HMCN1: variants seen among roughly 807,000 people sequenced by gnomAD.
The protein encoded by HMCN1 is hemicentin-1.
HMCN1 carries 321 observed loss-of-function variants against 625.9 expected under a neutral mutation model. The ratio of observed to expected loss-of-function variants is 0.51; its 90% CI spans 0.47 to 0.56. HMCN1 has a LOEUF of 0.56. HMCN1 is among the 20% of genes least tolerant of loss of function. HMCN1 has a pLI of 0.00. For synonymous variants in HMCN1, 2,425 were observed against 2,417.6 expected (o/e 1.00, Z -0.09); for missense variants, 6,588 against 6,887.3 (o/e 0.96, Z 1.54).
intron 89 of HMCN1, among the ~76,000 whole-genome samples, chr1:186,138,454 G>A (rs925583624): frequency 6.6e-6 from 1 of 152,086 alleles, no homozygotes; most frequent in Admixed American, 6.6e-5. Context: ...TATTGATTTT[G>A]TGTTTTAGCA....
intron 46 of HMCN1, among the ~76,000 whole-genome samples, chr1:186,061,200 GGA>G (rs1657671161): frequency 6.6e-6 from 1 of 152,062 alleles, no homozygotes; most frequent in East Asian, 1.9e-4. Flanking sequence ...AATTTATAAA[GGA>G]GAGAGGTTTA....
Position 185,911,777 on chromosome 1 carries a change from G to A in HMCN1, c.897G>A (p.Val299=), listed in dbSNP as rs1571547128. ...AGCCAGAGGCTGGAATGTGGACAGT[G>A]AAGGTACGGTTGTTTCACAAAGTTT... The part of the protein sequence containing the change: ...VKEPEAGMWT[V]KTSSSGRHSV... Residue 299 remains valine, a synonymous_variant, in exon 6 of 107, where the codon GTG becomes GTA. Transcript: ENST00000271588. 6.2e-7 allele frequency: 1 copy of A among 1,604,782 alleles called. No homozygotes were observed. Among genetic ancestry groups the A allele is most frequent in the Non-Finnish European group, 8.5e-7 (1 of 1,171,708 alleles).
At chr1:186,055,356 C>T (rs758356680) in intron 44 of HMCN1, 37 bp from the exon 45 acceptor site, 2 of 1,598,298 alleles carry the variant, frequency 1.3e-6, no homozygotes, top group African/African-American at 2.7e-5. Flanking sequence ...GCAAACATTT[C>T]CTCTTTTGTT....
chr1:186,096,769 C>T (rs137939400), intron 68 of HMCN1, among the ~76,000 whole-genome samples: 11 of 152,118 alleles, frequency 7.2e-5, no homozygotes, highest in East Asian at 1.9e-4. Flanking sequence ...TGATACATCA[C>T]GTTAACAGAT....
chr1:185,773,835 C>T (rs6696804), intron 1 of HMCN1, among the ~76,000 whole-genome samples: 13,548 of 152,080 alleles, frequency 0.089, 1,910 homozygotes, highest in African/African-American at 0.3. Flanking sequence ...TAAAAGATTT[C>T]ATAGAGAGGT....
At chr1:185,982,435 T>A in intron 18 of HMCN1, 46 bp downstream of exon 18, 2 of 1,560,696 alleles carry the variant, frequency 1.3e-6, no homozygotes, top group Non-Finnish European at 1.8e-6. Context: ...TTGTGAGTTT[T>A]CTTTTCTTTT....
intron 4 of HMCN1, among the ~76,000 whole-genome samples, chr1:185,900,140 G>A (rs77794978): frequency 0.012 from 1,791 of 151,952 alleles, 37 homozygotes; most frequent in African/African-American, 0.042. Context: ...GTATGCTGAT[G>A]AGTCTGACTT....
At chr1:186,070,851 G>A in intron 52 of HMCN1, 94 bp downstream of exon 52, 1 of 1,259,366 alleles carries the variant, frequency 7.9e-7, no homozygotes, top group Non-Finnish European at 1.2e-6. Flanking sequence ...GTGACTCAGA[G>A]AATCAATGTG....
chr1:186,011,548 G>C (rs965721950), intron 30 of HMCN1, among the ~76,000 whole-genome samples: 1 of 152,184 alleles, frequency 6.6e-6, no homozygotes, highest in Non-Finnish European at 1.5e-5. Context: ...TGAAGGTTAG[G>C]TGGAAAGCCC....
In HMCN1 at chr1:185,923,641, A is replaced by T. The variant is rs766038716; in HGVS notation, c.1273A>T (p.Ser425Cys). 7 of 1,603,270 alleles carry T rather than the reference A, an allele frequency of 4.4e-6. No homozygotes were observed. The highest frequency in any genetic ancestry group is 6.0e-6 in the Non-Finnish European group (7 of 1,176,440). ...GAGAGTATCAAGTGTTTCCTTTTCTAGTATTGTCCCAGGTGAGACATCATT... is the reference window on the plus strand; with the variant it reads ...GAGAGTATCAAGTGTTTCCTTTTCTTGTATTGTCCCAGGTGAGACATCATT... ...FQRVSSVSFSSIVPDAPKVTM... is the reference protein window; with the variant it reads ...FQRVSSVSFSCIVPDAPKVTM... Residue 425 changes from serine to cysteine, a missense_variant, in exon 8 of 107, where the codon AGT becomes TGT. Around this residue, in one of 3 missense-constraint regions of HMCN1, gnomAD observed 4,628 missense variants for 4,853.1 expected, o/e 0.95. Coordinates refer to ENST00000271588, the MANE Select transcript of HMCN1 (RefSeq NM_031935.3).
chr1:186,023,287 G>GT, intron 36 of HMCN1, 134 bp downstream of exon 36: 17 of 715,942 alleles, frequency 2.4e-5, no homozygotes, highest in Admixed American at 1.2e-4. Flanking sequence ...AAAAACCTAG[G>GT]GTTTTTTTTT....
At chr1:186,076,773 A>G in intron 54 of HMCN1, 151 bp downstream of exon 54, 1 of 740,712 alleles carries the variant, frequency 1.4e-6, no homozygotes, top group Non-Finnish European at 2.3e-6. Context: ...ACGTAGCTTC[A>G]ATCTAGAAGA....
intron 15 of HMCN1, among the ~76,000 whole-genome samples, chr1:185,972,234 A>C (rs1313136748): frequency 6.6e-6 from 1 of 152,138 alleles, no homozygotes; most frequent in Non-Finnish European, 1.5e-5. Flanking sequence ...AGGTAATTGC[A>C]CCCTCAGTCC....
intron 17 of HMCN1, 105 bp from the exon 18 acceptor site, chr1:185,982,157 T>G: frequency 1.7e-6 from 2 of 1,153,460 alleles, no homozygotes; most frequent in Non-Finnish European, 2.6e-6. Flanking sequence ...TTCTGAAAAC[T>G]CAAACTTTTA....
intron 2 of HMCN1, among the ~76,000 whole-genome samples, chr1:185,852,811 T>C (rs1174601919): frequency 3.3e-5 from 5 of 152,110 alleles, no homozygotes. Context: ...CAAATATTTA[T>C]GTTGTAAATG....
chr1:185,866,707 A>C (rs892749357), intron 4 of HMCN1, among the ~76,000 whole-genome samples: 1 of 151,890 alleles, frequency 6.6e-6, no homozygotes, highest in African/African-American at 2.4e-5. Flanking sequence ...CGTCTGGACC[A>C]TAATTTCTTC....
chr1:185,809,863 G>C (rs912345662), intron 1 of HMCN1, among the ~76,000 whole-genome samples: 1 of 152,022 alleles, frequency 6.6e-6, no homozygotes, highest in Non-Finnish European at 1.5e-5. Flanking sequence ...CTACCTAGTG[G>C]AAACTCCAAA....
intron 93 of HMCN1, among the ~76,000 whole-genome samples, chr1:186,149,293 C>T (rs945706405): frequency 2.6e-5 from 4 of 152,186 alleles, no homozygotes; most frequent in Non-Finnish European, 4.4e-5. Context: ...GTGTAGCCAC[C>T]TTTATCAGTG....
intron 11 of HMCN1, 92 bp from the exon 12 acceptor site, chr1:185,962,426 G>T (rs1437785852): frequency 9.1e-6 from 9 of 990,270 alleles, no homozygotes; most frequent in Non-Finnish European, 1.3e-5. Flanking sequence ...TAAAGATGTG[G>T]TGGTGAGAAA....
Sources: gnomAD v4.1 joint callset for allele counts (sites outside exome capture counted in the v4.1 genomes callset) on GRCh38, gnomAD v4.1.1 for gene constraint, gnomAD v4.1.1 regional missense constraint, MANE v1.5 for transcripts, NCBI Gene and HGNC (gene_info 2026-07-23, HGNC 2026-07-21) for gene names.